The following DOCK10 variants were observed in gnomAD, a reference collection of about 807,000 sequenced individuals.
DOCK10 encodes dedicator of cytokinesis protein 10.
DOCK10 carries 145 observed loss-of-function variants against 280.1 expected under a neutral mutation model. That is an observed-to-expected ratio of 0.52 (90% CI 0.45 to 0.59). The LOEUF (loss-of-function observed/expected upper bound fraction) is 0.59, where lower values mean the gene tolerates loss of function less well. Among genes scored for constraint, DOCK10 ranks in the 20% least tolerant of loss-of-function variants. DOCK10 has a pLI of 0.00. For synonymous variants in DOCK10, 915 were observed against 942.2 expected (o/e 0.97, Z 0.53); for missense variants, 2,368 against 2,651.7 (o/e 0.89, Z 2.35).
At chr2:224,772,824 A>T (rs1339927841) in intron 53 of DOCK10, among the ~76,000 whole-genome samples, 3 of 152,222 alleles carry the variant, frequency 2.0e-5, no homozygotes, top group Admixed American at 1.3e-4. Context: ...GCTCTTAATG[A>T]CAGATATGTA....
intron 50 of DOCK10, among the ~76,000 whole-genome samples, chr2:224,785,723 G>T (rs1230949330): frequency 6.6e-6 from 1 of 152,090 alleles, no homozygotes; most frequent in African/African-American, 2.4e-5. Context: ...CTCGTGATCC[G>T]CCCGCCTCAG....
rs551767152 is a variant in DOCK10, at chr2:224,845,295, G to A, written c.2389C>T (p.His797Tyr). 22 of 1,590,384 alleles carry A rather than the reference G, an allele frequency of 1.4e-5. No homozygotes were observed. In the South Asian group the frequency reaches 2.4e-4, roughly 17 times the overall value. Residue 797 changes from histidine to tyrosine, a missense_variant, in exon 21 of 56, where the codon CAC becomes TAC. Transcript: ENST00000258390. ...TACTCTTGAGAAGCTATCTGATCGT[G>A]TTTCATCAGAGGAAGCCAAGCATAT... ...VGYAWLPLMK[H>Y]DQIASQEYNI...
At chr2:224,822,281 T>C (rs1216640130) in intron 28 of DOCK10, among the ~76,000 whole-genome samples, 4 of 152,228 alleles carry the variant, frequency 2.6e-5, no homozygotes, top group African/African-American at 9.6e-5. Flanking sequence ...CTTAGTTTTT[T>C]CTTCGACTTT....
intron 1 of DOCK10, among the ~76,000 whole-genome samples, chr2:224,988,115 C>T (rs549084453): frequency 1.3e-5 from 2 of 152,276 alleles, no homozygotes; most frequent in African/African-American, 2.4e-5. Flanking sequence ...GAGGCTTGGT[C>T]TCTTCCCTCT....
chr2:224,844,673 T>G (rs1696210848), intron 22 of DOCK10, 80 bp downstream of exon 22: 1 of 906,814 alleles, frequency 1.1e-6, no homozygotes, highest in Non-Finnish European at 1.8e-6. Context: ...AAATGATTAG[T>G]CTCATCCTGT....
intron 11 of DOCK10, among the ~76,000 whole-genome samples, chr2:224,871,221 C>A (rs1698261647): frequency 6.6e-6 from 1 of 152,124 alleles, no homozygotes; most frequent in Non-Finnish European, 1.5e-5. Context: ...TATTTTTGAC[C>A]TGTATTGTGC....
Position 224,976,819 on chromosome 2 carries a change from A to G in DOCK10, c.124-45151T>C, listed in dbSNP as rs138440403. ...ATATGGTCTCTGTATCTTTTGCCCT[A>G]TGCCACCCTCTTCCTCCTTCTTTTG... On this transcript the variant is annotated intron_variant, in intron 1 of 55. Coordinates refer to ENST00000258390, the MANE Select transcript of DOCK10 (RefSeq NM_014689.3). Among the ~76,000 whole-genome samples the G allele has an allele frequency of 1.5e-3, 228 of 152,068 alleles. 2 individuals carry two copies. The highest frequency in any genetic ancestry group is 5.1e-3 in the African/African-American group (210 of 41,478).
At chr2:224,807,339 T>C (rs1047265294) in intron 33 of DOCK10, 2 of 202,598 alleles carry the variant, frequency 9.9e-6, no homozygotes, top group African/African-American at 2.3e-5. Context: ...CAGGGGGGGA[T>C]GTAGGGAATG....
intron 24 of DOCK10, among the ~76,000 whole-genome samples, chr2:224,839,674 A>G (rs1209644819): frequency 1.3e-5 from 2 of 152,248 alleles, no homozygotes; most frequent in Non-Finnish European, 2.9e-5. Flanking sequence ...GGTAAAGGGC[A>G]CATGGGAAAC....
chr2:224,788,400 G>A (rs6436511), intron 48 of DOCK10, among the ~76,000 whole-genome samples: 4,338 of 152,216 alleles, frequency 0.028, 219 homozygotes, highest in African/African-American at 0.095. Flanking sequence ...ATTATTTAAA[G>A]TAGTTAACAT....
intron 1 of DOCK10, among the ~76,000 whole-genome samples, chr2:224,968,022 A>T (rs1704876555): frequency 6.6e-6 from 1 of 152,232 alleles, no homozygotes; most frequent in Non-Finnish European, 1.5e-5. Context: ...GAAAACATCT[A>T]AATGGAAATC....
chr2:224,876,646 C>T (rs867788735), intron 7 of DOCK10, among the ~76,000 whole-genome samples: 1 of 152,220 alleles, frequency 6.6e-6, no homozygotes, highest in African/African-American at 2.4e-5. Context: ...TGTTGCCATA[C>T]TATCTTAAGG....
intron 1 of DOCK10, among the ~76,000 whole-genome samples, chr2:224,997,638 C>T (rs376194676): frequency 7.7e-4 from 117 of 152,226 alleles, no homozygotes; most frequent in African/African-American, 2.7e-3. Flanking sequence ...AAGCTCGGCT[C>T]AAATGTACCT....
intron 22 of DOCK10, among the ~76,000 whole-genome samples, chr2:224,843,138 T>C (rs1414947830): frequency 6.6e-6 from 1 of 152,144 alleles, no homozygotes; most frequent in African/African-American, 2.4e-5. Context: ...CCCTGTGATA[T>C]GGTTCATAAT....
intron 41 of DOCK10, among the ~76,000 whole-genome samples, chr2:224,799,583 G>C (rs1692828826): frequency 6.6e-6 from 1 of 152,180 alleles, no homozygotes; most frequent in Non-Finnish European, 1.5e-5. Context: ...AACTTTTTCA[G>C]AGACTGCCAT....
chr2:225,020,718 TTAGAAC>T (rs1217345685), intron 1 of DOCK10, among the ~76,000 whole-genome samples: 5 of 152,296 alleles, frequency 3.3e-5, no homozygotes, highest in Non-Finnish European at 7.4e-5. Flanking sequence ...TTGCCACCAG[TTAGAAC>T]AATCTTCACC....
At position 224,815,551 on chromosome 2, in the gene DOCK10, A is replaced by C. The variant is rs183920359; in HGVS notation, c.3364+1066T>G. On this transcript the variant is annotated intron_variant, in intron 30 of 55. Transcript: ENST00000258390. ...TGCCATTTCTACCCTATTTTCTATG[A>C]AATATGCTTCATAAATTAGAAAAAA... Among the ~76,000 whole-genome samples the C allele has an allele frequency of 7.0e-3, 1,058 of 152,202 alleles. 10 individuals are homozygous for C. The highest frequency in any genetic ancestry group is 0.012 in the Non-Finnish European group (784 of 68,020).
chr2:224,844,105 G>A (rs1174021245), intron 22 of DOCK10, among the ~76,000 whole-genome samples: 1 of 152,138 alleles, frequency 6.6e-6, no homozygotes, highest in Admixed American at 6.5e-5. Flanking sequence ...TGGTTTTCAG[G>A]TAAAGATCTG....
intron 43 of DOCK10, 137 bp from the exon 44 acceptor site, chr2:224,796,563 C>T: frequency 1.7e-6 from 1 of 595,950 alleles, no homozygotes; most frequent in Non-Finnish European, 2.9e-6. Flanking sequence ...ATTAAAGCTC[C>T]AGAACGTATT....
Sources: allele counts gnomAD v4.1 joint callset (sites outside exome capture counted in the v4.1 genomes callset), GRCh38; gene constraint gnomAD v4.1.1; transcripts MANE v1.5; gene names NCBI Gene and HGNC (gene_info 2026-07-23, HGNC 2026-07-21).